SLF2: variants seen among roughly 807,000 people sequenced by gnomAD.
SLF2 encodes SMC5/6 complex localization factor 2, also known as SMC5-SMC6 complex localization factor protein 2.
SLF2 carries 68 observed loss-of-function variants against 124.3 expected under a neutral mutation model. The ratio of observed to expected loss-of-function variants is 0.55; its 90% CI spans 0.45 to 0.67. The LOEUF (loss-of-function observed/expected upper bound fraction) is 0.67, where lower values mean the gene tolerates loss of function less well. Among genes scored for constraint, SLF2 ranks in the 30% least tolerant of loss-of-function variants. SLF2 has a pLI of 0.00. For synonymous variants in SLF2, 480 were observed against 478.8 expected (o/e 1.00, Z -0.03); for missense variants, 1,246 against 1,373.7 (o/e 0.91, Z 1.47).
chr10:100,943,485 A>T (rs1850018624), intron 11 of SLF2, among the ~76,000 whole-genome samples: 1 of 152,246 alleles, frequency 6.6e-6, no homozygotes, highest in Admixed American at 6.5e-5. Flanking sequence ...TCAAAAAATT[A>T]AAAATGTTAT....
At chr10:100,930,409 T>C (rs953390266) in intron 8 of SLF2, among the ~76,000 whole-genome samples, 1 of 152,140 alleles carries the variant, frequency 6.6e-6, no homozygotes, top group African/African-American at 2.4e-5. Flanking sequence ...TCCCAGAAAT[T>C]CCACACAGCA....
chr10:100,916,664 A>G lies in SLF2; in HGVS notation c.279A>G (p.Leu93=), dbSNP rs746535178. 29 of 1,530,606 alleles carry G rather than the reference A, an allele frequency of 1.9e-5. No homozygotes were observed. In the South Asian group the frequency reaches 2.6e-4, roughly 14 times the overall value. 94.8% of individuals were successfully genotyped at this position (1,530,606 alleles called of 1,614,324 possible). A position where few individuals can be genotyped will look rare whatever the true frequency, so the allele number is the denominator to read the frequency against. ...GGACAGAGCAGTTTGAAAGGAAACT[A>G]TCCTCACCAAAAGAATCTAAACCCA... ...ITGTEQFERK[L]SSPKESKPKR... Residue 93 remains leucine, a synonymous_variant, in exon 3 of 20, where the codon CTA becomes CTG. Coordinates refer to ENST00000238961, the MANE Select transcript of SLF2 (RefSeq NM_018121.4).
At chr10:100,935,178 G>A (rs977030692) in intron 9 of SLF2, among the ~76,000 whole-genome samples, 54 of 151,888 alleles carry the variant, frequency 3.6e-4, no homozygotes, top group African/African-American at 1.2e-3. Flanking sequence ...GGTGGATCAC[G>A]AGGTCAGGAG....
At chr10:100,932,058 A>G (rs979037171) in intron 9 of SLF2, among the ~76,000 whole-genome samples, 1 of 152,122 alleles carries the variant, frequency 6.6e-6, no homozygotes, top group Admixed American at 6.6e-5. Context: ...AAGCTTCTGT[A>G]TCAACAAGTA....
rs757691993 is a variant in SLF2 at position 100,926,241 on chromosome 10, C to T, written c.2042+222C>T. On this transcript the variant is annotated intron_variant, in intron 6 of 19. Transcript: ENST00000238961. ...GCAAGATTACTTGAGCCCAGGAGTT[C>T]AAGGCTGCGGTGAGTCGTGATGGCG... 4 of 1,531,692 alleles carry T rather than the reference C, an allele frequency of 2.6e-6. No homozygotes were observed. In the Admixed American group the frequency reaches 8.0e-5, roughly 31 times the overall value. 94.9% of individuals were successfully genotyped at this position (1,531,692 alleles called of 1,614,324 possible).
intron 4 of SLF2, among the ~76,000 whole-genome samples, chr10:100,918,898 C>A (rs1178686688): frequency 1.3e-5 from 2 of 151,120 alleles, no homozygotes; most frequent in Admixed American, 6.6e-5. Context: ...AATTTGTAAT[C>A]TGTCTTGAAT....
intron 9 of SLF2, 115 bp downstream of exon 9, chr10:100,931,193 A>G: frequency 1.3e-6 from 1 of 759,456 alleles, no homozygotes; most frequent in Admixed American, 2.7e-5. Context: ...TAGCACATCC[A>G]TGATGTCAGT....
Position 100,924,008 on chromosome 10 carries a change from G to T in SLF2, c.1007G>T (p.Arg336Ile), listed in dbSNP as rs773843271. 6.4e-7 allele frequency: 1 copy of T among 1,558,170 alleles called. No homozygotes were observed. Among genetic ancestry groups the T allele is most frequent in the South Asian group, 1.2e-5 (1 of 81,408 alleles). The change falls in exon 5 of 20, where the codon AGA (arginine) becomes ATA (isoleucine). Residue 336 changes from arginine to isoleucine, a missense_variant. Transcript: ENST00000238961. ...GSKQNKFPEK[R>I]KRNSVDSDLK... is the part of the protein sequence containing the mutation. Reference sequence around the variant, plus strand: ...AAGCAGAATAAATTCCCTGAAAAAAGAAAAAGGAACTCTGTGGACTCAGAT... The same window carrying T: ...AAGCAGAATAAATTCCCTGAAAAAATAAAAAGGAACTCTGTGGACTCAGAT...
In SLF2 at chr10:100,942,971, C is replaced by T. The variant is rs1181790533; in HGVS notation, c.2655-1055C>T. Among the ~76,000 whole-genome samples, 3 of 147,254 alleles carry T rather than the reference C, an allele frequency of 2.0e-5. No homozygotes were observed. In the East Asian group the frequency reaches 6.5e-4, roughly 32 times the overall value. On this transcript the variant is annotated intron_variant, in intron 11 of 19. Transcript: ENST00000238961. ...ATGCCTTAGCCAATCCAGAAGCTCT[C>T]TGAACTTTAGGGTATTTATGGAGGG...
intron 15 of SLF2, 112 bp from the exon 16 acceptor site, chr10:100,949,964 G>T: frequency 9.4e-7 from 1 of 1,061,560 alleles, no homozygotes. Context: ...TAAGTGTAAA[G>T]AAAGCTATAA....
chr10:100,913,557 C>T (rs1361523356), intron 1 of SLF2: 1 of 1,223,958 alleles, frequency 8.2e-7, no homozygotes, highest in East Asian at 3.4e-5. Context: ...ACCCTAACTG[C>T]TTAATGCATA....
rs145647066 is a variant in SLF2, at chr10:100,924,189, G to T, written c.1188G>T (p.Pro396=). ...GCTTAGAAGATATATCCAAGGAACC[G>T]AGTGATGAAACTGATGGCTCTTCTG... is the stretch of plus-strand genomic sequence containing the variant. ...VLRLEDISKE[P]SDETDGSSAG... Residue 396 remains proline (P), a synonymous_variant, in exon 5 of 20, where the codon CCG becomes CCT. Transcript: ENST00000238961. 6.2e-7 allele frequency: 1 copy of T among 1,614,050 alleles called. No individual in the cohort carries two copies. The highest frequency in any genetic ancestry group is 1.1e-5 in the South Asian group (1 of 91,050).
intron 17 of SLF2, 42 bp from the exon 18 acceptor site, chr10:100,956,409 T>G: frequency 7.3e-7 from 1 of 1,378,986 alleles, no homozygotes; most frequent in Non-Finnish European, 1.0e-6. Flanking sequence ...TAATTTGTAA[T>G]GCTTCAGAAT....
Position 100,912,988 on chromosome 10 carries a change from A to C in SLF2, c.-123A>C. The C allele has an allele frequency of 9.5e-7, 1 of 1,052,280 alleles. No homozygotes were observed. The highest frequency in any genetic ancestry group is 2.6e-5 in the East Asian group (1 of 38,498). The allele number at this position is 1,052,280 out of a possible 1,614,324, so 65.2% of individuals were successfully genotyped here. On this transcript the variant is annotated 5_prime_UTR_variant, in exon 1 of 20. Coordinates refer to ENST00000238961, the MANE Select transcript of SLF2 (RefSeq NM_018121.4). ...ACTTCCGAAGAGAGAACCGCCATGA[A>C]GAGAGAAGGGGGTGCCGCCCACCTC...
chr10:100,959,631 A>G, intron 19 of SLF2, 135 bp downstream of exon 19: 8 of 1,356,046 alleles, frequency 5.9e-6, no homozygotes, highest in Non-Finnish European at 7.7e-6. Context: ...AAACGCCAGT[A>G]TAATACATGG....
At chr10:100,949,706 G>A (rs760500292) in intron 15 of SLF2, among the ~76,000 whole-genome samples, 8 of 151,312 alleles carry the variant, frequency 5.3e-5, no homozygotes, top group Non-Finnish European at 7.4e-5. Context: ...AGTGATTCTC[G>A]TGCCTCAGCC....
intron 6 of SLF2, among the ~76,000 whole-genome samples, chr10:100,928,787 TTAA>T (rs1433978066): frequency 6.6e-6 from 1 of 152,072 alleles, no homozygotes; most frequent in Non-Finnish European, 1.5e-5. Flanking sequence ...GTTAAAAGAG[TTAA>T]TATATAAAGC....
chr10:100,941,202 T>C (rs1849969707), intron 11 of SLF2, among the ~76,000 whole-genome samples: 1 of 152,146 alleles, frequency 6.6e-6, no homozygotes, highest in South Asian at 2.1e-4. Flanking sequence ...TGTATATGCA[T>C]ATTCATCATG....
chr10:100,926,307 T>G (rs1031215516), intron 6 of SLF2: 1 of 1,448,594 alleles, frequency 6.9e-7, no homozygotes, highest in African/African-American at 1.4e-5. Context: ...AGACCCAGTC[T>G]CAAATGAAAA....
Sources: allele counts gnomAD v4.1 joint callset (sites outside exome capture counted in the v4.1 genomes callset), GRCh38; gene constraint gnomAD v4.1.1; transcripts MANE v1.5; gene names NCBI Gene and HGNC (gene_info 2026-07-23, HGNC 2026-07-21).